The following VPS35L variants were observed in gnomAD, a reference collection of about 807,000 sequenced individuals.
The protein encoded by VPS35L is VPS35 endosomal protein sorting factor like, also known as VPS35 endosomal protein-sorting factor-like.
Under a neutral mutation model 133.0 loss-of-function variants are expected in VPS35L, and 83 were observed. That is an observed-to-expected ratio of 0.62 (90% CI 0.52 to 0.75). The LOEUF (loss-of-function observed/expected upper bound fraction) is 0.75, where lower values mean the gene tolerates loss of function less well. VPS35L is among the 30% of genes least tolerant of loss of function. The pLI, the probability that VPS35L is intolerant of heterozygous loss-of-function variation, is 0.00. For missense variants in VPS35L, 1,083 were observed against 1,206.8 expected (o/e 0.90, Z 1.52); for synonymous variants, 423 against 449.9 (o/e 0.94, Z 0.76).
Position 19,700,551 on chromosome 16 carries a change from T to TAC in VPS35L, c.*76_*77dup, listed in dbSNP as rs949787983. ...GATCTGCTCTGCTGCCCTGAACTCT[T>TAC]ACGGCAATTTAGGTTTCTCATTTTT... On this transcript the variant is annotated 3_prime_UTR_variant, in exon 31 of 31. Transcript: ENST00000417362. The TAC allele has an allele frequency of 1.1e-5, 14 of 1,231,020 alleles. No individual in the cohort carries two copies. The African/African-American group carries it at 2.0e-4, about 17-fold the overall frequency. The allele number at this position is 1,231,020 out of a possible 1,614,324, so 76.3% of individuals were successfully genotyped here. A position where few individuals can be genotyped will look rare whatever the true frequency, so the allele number is the denominator to read the frequency against.
intron 29 of VPS35L, 71 bp downstream of exon 29, chr16:19,691,542 T>C: frequency 8.1e-7 from 1 of 1,237,904 alleles, no homozygotes; most frequent in Non-Finnish European, 1.2e-6. Flanking sequence ...GGTTCAACCT[T>C]GGTTCATTCT....
chr16:19,595,863 C>T (rs1012009597), intron 8 of VPS35L, among the ~76,000 whole-genome samples: 7 of 152,102 alleles, frequency 4.6e-5, no homozygotes, highest in South Asian at 2.1e-4. Context: ...TATTAAGTCC[C>T]GGCCAGGCGC....
chr16:19,637,581 GTT>G lies in VPS35L; in HGVS notation c.1636-11_1636-10del. 6.6e-7 allele frequency: 1 copy of G among 1,506,352 alleles called. No individual in the cohort carries two copies. The highest frequency in any genetic ancestry group is 9.0e-7 in the Non-Finnish European group (1 of 1,113,170). 93.3% of individuals were successfully genotyped at this position (1,506,352 alleles called of 1,614,324 possible). A position where few individuals can be genotyped will look rare whatever the true frequency, so the allele number is the denominator to read the frequency against. On this transcript the variant is annotated splice_polypyrimidine_tract_variant and intron_variant, in intron 19 of 30. Transcript: ENST00000417362. ...GTTTTTAAAAATAATATTTTTGTTT[GTT>G]TGTTTTACAGCTTCAGTTAATAATT...
intron 5 of VPS35L, among the ~76,000 whole-genome samples, chr16:19,577,044 T>C (rs1243687365): frequency 6.6e-6 from 1 of 152,136 alleles, no homozygotes; most frequent in African/African-American, 2.4e-5. Flanking sequence ...CCATAAAAGG[T>C]AAATCATACC....
rs918161282 is a variant in VPS35L, at chr16:19,616,260, T to G, written c.1101+69T>G. On this transcript the variant is annotated intron_variant, in intron 13 of 30. Coordinates refer to ENST00000417362, the MANE Select transcript of VPS35L (RefSeq NM_020314.7). ...ATGATAGCAAATTCACAAAACCCAGTTGGTTTTCCAAGTGGAGAATGCCTT... is the reference window on the plus strand; with the variant it reads ...ATGATAGCAAATTCACAAAACCCAGGTGGTTTTCCAAGTGGAGAATGCCTT... The G allele has an allele frequency of 3.5e-6, 5 of 1,421,128 alleles. No homozygotes were observed. In the African/African-American group the frequency reaches 7.1e-5, roughly 20 times the overall value. The allele number at this position is 1,421,128 out of a possible 1,614,324, so 88.0% of individuals were successfully genotyped here.
intron 28 of VPS35L, among the ~76,000 whole-genome samples, chr16:19,688,025 C>G (rs112975329): frequency 6.6e-6 from 1 of 152,266 alleles, no homozygotes; most frequent in African/African-American, 2.4e-5. Flanking sequence ...CTCCTGGGCT[C>G]AAGTCATCCT....
intron 27 of VPS35L, among the ~76,000 whole-genome samples, chr16:19,675,136 C>T (rs766120468): frequency 8.6e-5 from 13 of 151,838 alleles, no homozygotes; most frequent in Admixed American, 3.9e-4. Flanking sequence ...AGTTTTGTGG[C>T]GACAAGGTCT....
rs776127420 is a variant in VPS35L at position 19,633,138 on chromosome 16, C to G, written c.1601C>G (p.Thr534Ser). 6.2e-7 allele frequency: 1 copy of G among 1,614,076 alleles called. No homozygotes were observed. Among genetic ancestry groups the G allele is most frequent in the African/African-American group, 1.3e-5 (1 of 74,918 alleles). The change falls in exon 19 of 31, where the codon ACT becomes AGT. Residue 534 changes from threonine (T) to serine (S), a missense_variant. Transcript: ENST00000417362. The surrounding 1 kb of genome is among the most constrained non-coding windows in gnomAD (Gnocchi z 4.1). ...TVLADVIKHM[T>S]PDRAFEDSYP... Reference sequence around the variant, plus strand: ...TTGGCAGATGTCATCAAGCACATGACTCCAGATCGTGCATTTGAAGATTCC... The same window carrying G: ...TTGGCAGATGTCATCAAGCACATGAGTCCAGATCGTGCATTTGAAGATTCC...
chr16:19,577,693 T>G (rs1398937224), intron 5 of VPS35L, among the ~76,000 whole-genome samples: 1 of 152,126 alleles, frequency 6.6e-6, no homozygotes, highest in South Asian at 2.1e-4. Flanking sequence ...TATTAGGAGA[T>G]GGGCCCTTTT....
At position 19,585,153 on chromosome 16, in the gene VPS35L, C is replaced by T. The variant is rs181315291; in HGVS notation, c.639+3500C>T. ...AGTTGATGGGCATTTGGGTTGTTCC[C>T]ACTCTCTGGCTGTTATGAATAATGC... On this transcript the variant is annotated intron_variant, in intron 7 of 30. Coordinates refer to ENST00000417362, the MANE Select transcript of VPS35L (RefSeq NM_020314.7). Among the ~76,000 whole-genome samples the T allele has an allele frequency of 2.6e-5, 4 of 152,190 alleles. No homozygotes were observed. The East Asian group carries it at 7.7e-4, about 29-fold the overall frequency.
At chr16:19,579,279 G>A in intron 6 of VPS35L, 151 bp downstream of exon 6, 1 of 675,304 alleles carries the variant, frequency 1.5e-6, no homozygotes, top group Non-Finnish European at 2.5e-6. Flanking sequence ...CCAGGGAAGG[G>A]TGCCAGTGTG....
At chr16:19,670,878 A>G (rs1265143952) in intron 27 of VPS35L, among the ~76,000 whole-genome samples, 1 of 152,218 alleles carries the variant, frequency 6.6e-6, no homozygotes, top group Non-Finnish European at 1.5e-5. Context: ...CACTCGATGA[A>G]TTACAGGCAA....
At position 19,575,101 on chromosome 16, in the gene VPS35L, C is replaced by A; in HGVS notation, c.412C>A (p.Leu138Met). Residue 138 changes from leucine to methionine, a missense_variant, in exon 5 of 31, where the codon CTG (leucine) becomes ATG (methionine). Physicochemically the swap from Leu to Met is conservative, Grantham distance 15. Transcript: ENST00000417362. ...YTTTEKLSIN[L>M]FMGSEKGKAG... ...AATGAATTTTATGTCTCTGCAGAAT[C>A]TGTTTATGGGATCTGAAAAAGGTAA... 6.2e-7 allele frequency: 1 copy of A among 1,604,648 alleles called. No homozygotes were observed. The highest frequency in any genetic ancestry group is 8.5e-7 in the Non-Finnish European group (1 of 1,174,372).
rs1976086480 is a variant in VPS35L, at chr16:19,700,426, A to C, written c.2842A>C (p.Thr948Pro). 1 of 1,614,082 alleles carries C rather than the reference A, an allele frequency of 6.2e-7. No individual in the cohort carries two copies. Among genetic ancestry groups the C allele is most frequent in the Non-Finnish European group, 8.5e-7 (1 of 1,180,010 alleles). Residue 948 changes from threonine (T) to proline (P), a missense_variant, in exon 31 of 31, where the codon ACT becomes CCT. Coordinates refer to ENST00000417362, the MANE Select transcript of VPS35L (RefSeq NM_020314.7). ...GAAGCAAAGCAAACAACCAGACATG[A>C]CTCATCTGACGGAGCTGGCCCTCAG... Reference protein sequence around the residue: ...IKKQSKQPDMTHLTELALRLP... With the variant: ...IKKQSKQPDMPHLTELALRLP...
chr16:19,585,696 C>T (rs183379450), intron 7 of VPS35L, among the ~76,000 whole-genome samples: 317 of 152,190 alleles, frequency 2.1e-3, no homozygotes, highest in African/African-American at 7.3e-3. Flanking sequence ...TGAGCCATCA[C>T]ACCTGGCCTA....
intron 27 of VPS35L, among the ~76,000 whole-genome samples, chr16:19,680,591 TTCAGA>T (rs1975236580): frequency 1.3e-5 from 2 of 152,046 alleles, no homozygotes; most frequent in Non-Finnish European, 2.9e-5. Context: ...CTAAGATCAT[TTCAGA>T]TAGTGAGAAG....
intron 26 of VPS35L, among the ~76,000 whole-genome samples, chr16:19,666,934 TCC>T (rs1567470532): frequency 1.1e-5 from 1 of 89,554 alleles, no homozygotes. Context: ...CTTTCTTTCT[TCC>T]TTTCTTCCTT....
chr16:19,625,562 G>A (rs1488323937), intron 14 of VPS35L, among the ~76,000 whole-genome samples: 1 of 152,092 alleles, frequency 6.6e-6, no homozygotes, highest in Non-Finnish European at 1.5e-5. Context: ...TAAGGACAAG[G>A]AGACCCAGGT....
chr16:19,578,978 G>C, intron 5 of VPS35L, 74 bp from the exon 6 acceptor site: 1 of 1,205,952 alleles, frequency 8.3e-7, no homozygotes, highest in Non-Finnish European at 1.2e-6. Flanking sequence ...GAAGTGTAGA[G>C]TGAAAGATGC....
Sources: allele counts gnomAD v4.1 joint callset (sites outside exome capture counted in the v4.1 genomes callset), GRCh38; gene constraint gnomAD v4.1.1; non-coding constraint Gnocchi (gnomAD v3.1); transcripts MANE v1.5; gene names NCBI Gene and HGNC (gene_info 2026-07-23, HGNC 2026-07-21).